Variants in CNTNAP2 observed in about 807,000 individuals in gnomAD.
CNTNAP2 encodes contactin-associated protein-like 2.
CNTNAP2 carries 98 observed loss-of-function variants against 155.2 expected under a neutral mutation model. The ratio of observed to expected loss-of-function variants is 0.63; its 90% CI spans 0.54 to 0.75. The LOEUF (loss-of-function observed/expected upper bound fraction) is 0.75. Among genes scored for constraint, CNTNAP2 ranks in the 30% least tolerant of loss-of-function variants. CNTNAP2 has a pLI of 0.00. For synonymous variants in CNTNAP2, 651 were observed against 631.2 expected (o/e 1.03, Z -0.47); for missense variants, 1,727 against 1,688.1 (o/e 1.02, Z -0.40).
chr7:147,504,363 A>G (rs1293755545), intron 11 of CNTNAP2, among the ~76,000 whole-genome samples: 1 of 151,930 alleles, frequency 6.6e-6, no homozygotes, highest in Non-Finnish European at 1.5e-5. Flanking sequence ...TATTCTAGCT[A>G]CCTCATTTTA....
At chr7:146,408,702 A>G (rs1297494586) in intron 1 of CNTNAP2, among the ~76,000 whole-genome samples, 9 of 152,072 alleles carry the variant, frequency 5.9e-5, no homozygotes, top group Admixed American at 3.9e-4. Context: ...CAGCACACCA[A>G]CATGGCACAT....
intron 13 of CNTNAP2, among the ~76,000 whole-genome samples, chr7:147,689,556 G>A (rs1584901419): frequency 6.6e-6 from 1 of 152,072 alleles, no homozygotes; most frequent in African/African-American, 2.4e-5. Flanking sequence ...CTGCTCCTCT[G>A]TAGTGACAGT....
At chr7:146,486,171 TCTC>T (rs1797055593) in intron 1 of CNTNAP2, among the ~76,000 whole-genome samples, 1 of 148,742 alleles carries the variant, frequency 6.7e-6, no homozygotes, top group South Asian at 2.2e-4. Flanking sequence ...TTCACTCTAT[TCTC>T]CTGCCTCAGC....
intron 1 of CNTNAP2, among the ~76,000 whole-genome samples, chr7:146,714,339 A>G (rs1267539741): frequency 1.3e-5 from 2 of 152,318 alleles, no homozygotes; most frequent in African/African-American, 2.4e-5. Context: ...CAGCTTAGAC[A>G]TAACTATTTG....
rs137938497 is a variant in CNTNAP2, at chr7:147,950,182, T to C, written c.2256-27680T>C. Among the ~76,000 whole-genome samples, 11 of 152,012 alleles carry C rather than the reference T, an allele frequency of 7.2e-5. No individual in the cohort carries two copies. The East Asian group carries it at 1.9e-3, about 27-fold the overall frequency. On this transcript the variant is annotated intron_variant, in intron 14 of 23. Coordinates refer to ENST00000361727, the MANE Select transcript of CNTNAP2 (RefSeq NM_014141.6). ...ACCAAGTATAGTAAGGGAGGCACAGTAACTCACCTGGAATTGACTTTGCAA... is the reference window on the plus strand; with the variant it reads ...ACCAAGTATAGTAAGGGAGGCACAGCAACTCACCTGGAATTGACTTTGCAA...
At chr7:147,454,155 AAGC>A (rs1797881047) in intron 10 of CNTNAP2, among the ~76,000 whole-genome samples, 1 of 152,218 alleles carries the variant, frequency 6.6e-6, no homozygotes, top group African/African-American at 2.4e-5. Flanking sequence ...TATGCTAAGT[AAGC>A]ACTGACTCTC....
chr7:148,245,201 G>A (rs1796237928), intron 20 of CNTNAP2, among the ~76,000 whole-genome samples: 1 of 152,190 alleles, frequency 6.6e-6, no homozygotes, highest in Admixed American at 6.5e-5. Flanking sequence ...GGCACATGGA[G>A]GAGCTTGGCC....
intron 8 of CNTNAP2, among the ~76,000 whole-genome samples, chr7:147,266,228 G>A (rs1804604112): frequency 6.6e-6 from 1 of 152,112 alleles, no homozygotes; most frequent in South Asian, 2.1e-4. Flanking sequence ...AAAAAGCTAA[G>A]GACCACGATA....
intron 1 of CNTNAP2, among the ~76,000 whole-genome samples, chr7:146,606,180 T>G (rs73739142): frequency 0.034 from 5,140 of 152,210 alleles, 287 homozygotes; most frequent in African/African-American, 0.12. Context: ...ATTCTGCCTA[T>G]GAATGTGAAT....
At chr7:147,327,423 C>T (rs1795480590) in intron 9 of CNTNAP2, among the ~76,000 whole-genome samples, 1 of 152,192 alleles carries the variant, frequency 6.6e-6, no homozygotes, top group Non-Finnish European at 1.5e-5. Context: ...GCCTGCATTT[C>T]ATTGGCATTT....
intron 9 of CNTNAP2, among the ~76,000 whole-genome samples, chr7:147,336,249 CTGT>C (rs147327066): frequency 0.033 from 5,077 of 152,162 alleles, 91 homozygotes; most frequent in Non-Finnish European, 0.047. Flanking sequence ...GAGAGGTTTG[CTGT>C]TGTTGTTGCC....
intron 13 of CNTNAP2, among the ~76,000 whole-genome samples, chr7:147,780,046 A>G (rs1004955284): frequency 1.3e-5 from 2 of 152,228 alleles, no homozygotes; most frequent in African/African-American, 4.8e-5. Context: ...ATTCCTGTGA[A>G]TGATTTTCAA....
intron 13 of CNTNAP2, among the ~76,000 whole-genome samples, chr7:147,879,462 A>AT (rs1309084525): frequency 6.8e-6 from 1 of 148,054 alleles, no homozygotes; most frequent in Admixed American, 6.6e-5. Flanking sequence ...GAAAGATGGA[A>AT]ATTTTTTTTT....
intron 15 of CNTNAP2, among the ~76,000 whole-genome samples, chr7:148,095,271 G>T (rs1159708172): frequency 6.6e-6 from 1 of 152,154 alleles, no homozygotes; most frequent in African/African-American, 2.4e-5. Flanking sequence ...AGTATCTGTG[G>T]GGCTTGCCAA....
intron 3 of CNTNAP2, among the ~76,000 whole-genome samples, chr7:146,930,139 A>C (rs1796714817): frequency 1.3e-5 from 2 of 152,078 alleles, no homozygotes; most frequent in African/African-American, 4.8e-5. Context: ...CATAATTGTC[A>C]ATTCACCAAA....
chr7:147,187,504 C>T (rs534155569), intron 8 of CNTNAP2, among the ~76,000 whole-genome samples: 1 of 152,150 alleles, frequency 6.6e-6, no homozygotes, highest in East Asian at 1.9e-4. Flanking sequence ...AGTGAACTAA[C>T]CTAGAAACAG....
chr7:146,150,353 A>G (rs1467070664), intron 1 of CNTNAP2, among the ~76,000 whole-genome samples: 1 of 152,098 alleles, frequency 6.6e-6, no homozygotes, highest in African/African-American at 2.4e-5. Context: ...ATAACTGACA[A>G]AGTTGAGCAT....
chr7:146,821,918 T>A (rs1400195533), intron 2 of CNTNAP2, among the ~76,000 whole-genome samples: 2 of 151,420 alleles, frequency 1.3e-5, no homozygotes, highest in Admixed American at 1.3e-4. Flanking sequence ...GTGTGGCGAT[T>A]CCTCAGGGAT....
chr7:148,331,777 T>C lies in CNTNAP2; in HGVS notation c.3476-51872T>C, dbSNP rs1298666295. Among the ~76,000 whole-genome samples the C allele has an allele frequency of 1.5e-3, 224 of 151,226 alleles. 12 individuals carry two copies. Among genetic ancestry groups the C allele is most frequent in the African/African-American group, 1.7e-3 (70 of 41,204 alleles). On this transcript the variant is annotated intron_variant, in intron 21 of 23. Transcript: ENST00000361727. Reference sequence around the variant, plus strand: ...GGACGGATGGATTGGATGGATGGAATGGACAGATGGAGTGGATGGATAGAA... The same window carrying C: ...GGACGGATGGATTGGATGGATGGAACGGACAGATGGAGTGGATGGATAGAA...
Sources: allele counts gnomAD v4.1 joint callset (sites outside exome capture counted in the v4.1 genomes callset), GRCh38; gene constraint gnomAD v4.1.1; transcripts MANE v1.5; gene names NCBI Gene and HGNC (gene_info 2026-07-23, HGNC 2026-07-21).